The following TBC1D22A variants were observed in gnomAD, a reference collection of about 807,000 sequenced individuals.
TBC1D22A encodes the protein putative GTPase activator.
Under a neutral mutation model 60.2 loss-of-function variants are expected in TBC1D22A, and 38 were observed. The observed-to-expected ratio is 0.63, with a 90% CI of 0.49 to 0.83. The LOEUF (loss-of-function observed/expected upper bound fraction) is 0.83, where lower values mean the gene tolerates loss of function less well. Among genes scored for constraint, TBC1D22A ranks in the 40% least tolerant of loss-of-function variants. The probability of loss-of-function intolerance (pLI) is 0.00; values close to 1 mark genes in which losing one functional copy is unlikely to be tolerated. For synonymous variants in TBC1D22A, 302 were observed against 281.7 expected, an observed-to-expected ratio of 1.07 and a Z score of -0.72; for missense variants, 628 against 701.0, an observed-to-expected ratio of 0.90 and a Z score of 1.18.
intron 12 of TBC1D22A, among the ~76,000 whole-genome samples, chr22:47,162,602 CAG>C (rs1258759484): frequency 6.6e-6 from 1 of 151,980 alleles, no homozygotes; most frequent in Non-Finnish European, 1.5e-5. Flanking sequence ...GTCCTCCAGG[CAG>C]AGTCAGAGGA....
At chr22:47,103,340 A>T (rs2065495940) in intron 11 of TBC1D22A, among the ~76,000 whole-genome samples, 1 of 152,166 alleles carries the variant, frequency 6.6e-6, no homozygotes, top group Non-Finnish European at 1.5e-5. Flanking sequence ...AGGGGTGGAG[A>T]CAGCCCACTG....
At chr22:46,904,138 T>TAC (rs2069242058) in intron 7 of TBC1D22A, among the ~76,000 whole-genome samples, 18 of 55,328 alleles carry the variant, frequency 3.3e-4, no homozygotes, top group African/African-American at 1.1e-3. Context: ...TATCTATCTA[T>TAC]CTATCTACCT....
chr22:46,832,377 G>A (rs1269484185), intron 4 of TBC1D22A, among the ~76,000 whole-genome samples: 2 of 152,232 alleles, frequency 1.3e-5, no homozygotes, highest in Non-Finnish European at 1.5e-5. Context: ...GGGGCCGGGC[G>A]CAGTGGCTCA....
intron 12 of TBC1D22A, among the ~76,000 whole-genome samples, chr22:47,146,718 G>A (rs1726521373): frequency 6.6e-6 from 1 of 152,160 alleles, no homozygotes; most frequent in African/African-American, 2.4e-5. Flanking sequence ...TTCTTGATGG[G>A]GCGGTGGGAA....
At position 46,827,404 on chromosome 22, in the gene TBC1D22A, G is replaced by A. The variant is rs1004086605; in HGVS notation, c.637+29784G>A. Among the ~76,000 whole-genome samples the A allele has an allele frequency of 2.0e-5, 3 of 152,228 alleles. No individual in the cohort carries two copies. In the East Asian group the frequency reaches 5.8e-4, roughly 29 times the overall value. Reference sequence around the variant, plus strand: ...GGCATTTTCACCATCGGTGCAGCTTGTGTTTCTAAAACATGACTACCTCAC... The same window carrying A: ...GGCATTTTCACCATCGGTGCAGCTTATGTTTCTAAAACATGACTACCTCAC... On this transcript the variant is annotated intron_variant, in intron 4 of 12. Coordinates refer to ENST00000337137, the MANE Select transcript of TBC1D22A (RefSeq NM_014346.5).
chr22:47,012,154 T>C (rs2061771162), intron 10 of TBC1D22A, among the ~76,000 whole-genome samples: 1 of 152,118 alleles, frequency 6.6e-6, no homozygotes, highest in Admixed American at 6.5e-5. Context: ...AGCCTTGATC[T>C]GGAGCGACAA....
intron 12 of TBC1D22A, among the ~76,000 whole-genome samples, chr22:47,148,440 A>G (rs1178679203): frequency 1.3e-5 from 2 of 152,176 alleles, no homozygotes; most frequent in Non-Finnish European, 2.9e-5. Context: ...TGTGCCTAAG[A>G]GAGTTTGGTG....
chr22:46,992,833 C>A (rs1569312883), intron 9 of TBC1D22A, among the ~76,000 whole-genome samples: 1 of 145,820 alleles, frequency 6.9e-6, no homozygotes, highest in Non-Finnish European at 1.5e-5. Context: ...GGCCAGGGGC[C>A]CCCGAGAGGA....
At chr22:46,786,304 T>A (rs544032665) in intron 1 of TBC1D22A, among the ~76,000 whole-genome samples, 5 of 152,338 alleles carry the variant, frequency 3.3e-5, no homozygotes, top group African/African-American at 1.2e-4. Flanking sequence ...ATTAATATAG[T>A]GTATTGCACT....
intron 7 of TBC1D22A, among the ~76,000 whole-genome samples, chr22:46,904,138 TCTATCTACCTACCTACCTAC>T (rs1299287464): frequency 1.3e-4 from 7 of 55,260 alleles, no homozygotes; most frequent in Admixed American, 8.6e-4. Context: ...TATCTATCTA[TCTATCTACCTACCTACCTAC>T]CTACCTACCT....
At chr22:46,941,705 G>A (rs28520925) in intron 8 of TBC1D22A, among the ~76,000 whole-genome samples, 38,044 of 106,124 alleles carry the variant, frequency 0.36, 10,201 homozygotes, top group African/African-American at 0.5. Flanking sequence ...GATTATATAT[G>A]CGGAATATAT....
chr22:46,944,254 T>A (rs2072367806), intron 8 of TBC1D22A, among the ~76,000 whole-genome samples: 1 of 152,202 alleles, frequency 6.6e-6, no homozygotes, highest in Non-Finnish European at 1.5e-5. Flanking sequence ...GGTAGCTTGT[T>A]GTGTTTCTGT....
chr22:46,802,393 G>A (rs1191524885), intron 4 of TBC1D22A, among the ~76,000 whole-genome samples: 1 of 152,234 alleles, frequency 6.6e-6, no homozygotes, highest in Non-Finnish European at 1.5e-5. Context: ...TTTCTGGGGC[G>A]AGATCTGCAC....
At chr22:47,143,524 G>A (rs1280117763) in intron 12 of TBC1D22A, among the ~76,000 whole-genome samples, 1 of 152,224 alleles carries the variant, frequency 6.6e-6, no homozygotes, top group Admixed American at 6.5e-5. Flanking sequence ...TACACCTTCC[G>A]GGGAATGGTG....
At chr22:46,849,538 G>A (rs2147269567) in intron 4 of TBC1D22A, among the ~76,000 whole-genome samples, 1 of 152,264 alleles carries the variant, frequency 6.6e-6, no homozygotes, top group Non-Finnish European at 1.5e-5. Flanking sequence ...CTGGACAGGT[G>A]ACTCAGATTC....
At chr22:46,811,542 G>A (rs988825563) in intron 4 of TBC1D22A, among the ~76,000 whole-genome samples, 1 of 152,326 alleles carries the variant, frequency 6.6e-6, no homozygotes, top group East Asian at 1.9e-4. Flanking sequence ...GAGTCTGAGT[G>A]GCGAGGGTGG....
At chr22:46,785,849 A>C (rs1343038271) in intron 1 of TBC1D22A, among the ~76,000 whole-genome samples, 1 of 152,228 alleles carries the variant, frequency 6.6e-6, no homozygotes, top group Non-Finnish European at 1.5e-5. Context: ...AACATGGCTC[A>C]CTGCAGCCTT....
Position 46,792,952 on chromosome 22 carries a change from C to T in TBC1D22A, c.119+376C>T, listed in dbSNP as rs1285668839. The T allele has an allele frequency of 4.4e-6, 5 of 1,132,428 alleles. No homozygotes were observed. The Admixed American group carries it at 1.6e-4, about 35-fold the overall frequency. 70.1% of individuals were successfully genotyped at this position (1,132,428 alleles called of 1,614,324 possible). A position where few individuals can be genotyped will look rare whatever the true frequency, so the allele number is the denominator to read the frequency against. ...GAGCCCGGCCCTGGCCTGTCCTGGC[C>T]CCTCCACAGCAGGCGGGAGCGCAGA... On this transcript the variant is annotated intron_variant, in intron 2 of 12. Transcript: ENST00000337137.
chr22:46,851,459 C>T (rs550559726), intron 4 of TBC1D22A, among the ~76,000 whole-genome samples: 5 of 152,330 alleles, frequency 3.3e-5, no homozygotes, highest in South Asian at 2.1e-4. Context: ...TGCCTGTGCC[C>T]GAGAGCCTGC....
Sources: gnomAD v4.1 joint callset for allele counts (sites outside exome capture counted in the v4.1 genomes callset) on GRCh38, gnomAD v4.1.1 for gene constraint, MANE v1.5 for transcripts, NCBI Gene and HGNC (gene_info 2026-07-23, HGNC 2026-07-21) for gene names.